The following DDC variants were observed in gnomAD, a reference collection of about 807,000 sequenced individuals.
DDC encodes the protein dopa decarboxylase.
In DDC, 43 loss-of-function variants were observed where a neutral mutation model predicts 60.0. The ratio of observed to expected loss-of-function variants is 0.72; its 90% CI spans 0.56 to 0.92. The LOEUF is 0.92. Among genes scored for constraint, DDC ranks in the 40% least tolerant of loss-of-function variants. The pLI, the probability that DDC is intolerant of heterozygous loss-of-function variation, is 0.00. For missense variants in DDC, 573 were observed against 620.2 expected, an observed-to-expected ratio of 0.92 and a Z score of 0.81; for synonymous variants, 232 against 234.6, an observed-to-expected ratio of 0.99 and a Z score of 0.10.
In DDC at chr7:50,503,984, G is replaced by T. The variant is rs1463493702; in HGVS notation, c.781+9C>A. 1.6e-5 allele frequency: 25 copies of T among 1,605,974 alleles called. No individual in the cohort carries two copies. The highest frequency in any genetic ancestry group is 1.9e-5 in the Non-Finnish European group (22 of 1,172,684). On this transcript the variant is annotated intron_variant, in intron 7 of 14. Transcript: ENST00000444124. Reference sequence around the variant, plus strand: ...ATTTTCCAAAAAGAAAATGGAATCGGATACTTACAGATAGGACCGACTTCT... The same window carrying T: ...ATTTTCCAAAAAGAAAATGGAATCGTATACTTACAGATAGGACCGACTTCT...
At position 50,467,323 on chromosome 7, in the gene DDC, G is replaced by A; in HGVS notation, c.1141-8C>T. On this transcript the variant is annotated splice_polypyrimidine_tract_variant and splice_region_variant and intron_variant, in intron 12 of 14. Transcript: ENST00000444124. ...ATGGGACAGCTGGACATGCTTCAAAGAGGAAAGGGAAAATCTGTTTTTCTC... is the reference window on the plus strand; with the variant it reads ...ATGGGACAGCTGGACATGCTTCAAAAAGGAAAGGGAAAATCTGTTTTTCTC... The A allele has an allele frequency of 6.2e-7, 1 of 1,612,052 alleles. No individual in the cohort carries two copies. Among genetic ancestry groups the A allele is most frequent in the Non-Finnish European group, 8.5e-7 (1 of 1,178,078 alleles).
chr7:50,543,586 T>C (rs2044703998), intron 2 of DDC: 1 of 439,226 alleles, frequency 2.3e-6, no homozygotes, highest in South Asian at 2.1e-5. Flanking sequence ...ACACGCTCTA[T>C]GTACCGAGTG....
chr7:50,465,427 G>A lies in DDC; in HGVS notation c.1242+1787C>T, dbSNP rs192532976. ...GCTCTGTCGCCCAGGCTGGAGCGCA[G>A]TAGCACAATCTCAGCTCACTGCAAC... On this transcript the variant is annotated intron_variant, in intron 13 of 14. Transcript: ENST00000444124. Among the ~76,000 whole-genome samples, 511 of 151,286 alleles carry A rather than the reference G, an allele frequency of 3.4e-3. 6 individuals are homozygous for A. Among genetic ancestry groups the A allele is most frequent in the African/African-American group, 0.012 (474 of 41,126 alleles).
chr7:50,472,092 T>A (rs2042545104), intron 11 of DDC, among the ~76,000 whole-genome samples: 1 of 152,202 alleles, frequency 6.6e-6, no homozygotes, highest in Non-Finnish European at 1.5e-5. Context: ...CTGAATTCGA[T>A]GCACTGTCCC....
chr7:50,543,408 G>A (rs1228070178), intron 2 of DDC: 7 of 236,184 alleles, frequency 3.0e-5, no homozygotes, highest in African/African-American at 1.1e-4. Flanking sequence ...GGCTGCCTTG[G>A]TGGGCAGCAC....
chr7:50,524,394 G>A lies in DDC; in HGVS notation c.714+3743C>T, dbSNP rs117613182. 1.3e-3 allele frequency among the ~76,000 whole-genome samples: 200 copies of A among 152,256 alleles called. 4 individuals are homozygous for A. The East Asian group carries it at 0.03, about 22-fold the overall frequency. ...TAATAATGGGGGAAATGAAGGTTGG[G>A]ATATAAGAAGGTATATGTTCTTCCT... On this transcript the variant is annotated intron_variant, in intron 6 of 14. Coordinates refer to ENST00000444124, the MANE Select transcript of DDC (RefSeq NM_001082971.2).
chr7:50,517,030 A>C (rs553919068), intron 6 of DDC, among the ~76,000 whole-genome samples: 1 of 152,130 alleles, frequency 6.6e-6, no homozygotes, highest in Non-Finnish European at 1.5e-5. Context: ...TTTTGACACT[A>C]TTACAGAAGA....
intron 9 of DDC, among the ~76,000 whole-genome samples, chr7:50,484,406 C>G (rs1233482358): frequency 6.6e-6 from 1 of 152,066 alleles, no homozygotes; most frequent in Admixed American, 6.6e-5. Context: ...CAATTGATGT[C>G]TGTTTTGTAG....
At chr7:50,487,618 G>A (rs940097368) in intron 9 of DDC, among the ~76,000 whole-genome samples, 4 of 151,974 alleles carry the variant, frequency 2.6e-5, no homozygotes, top group African/African-American at 7.2e-5. Context: ...GCTTAGGTGT[G>A]TTTATGTATA....
At chr7:50,477,926 G>A (rs1051531595) in intron 10 of DDC, among the ~76,000 whole-genome samples, 10 of 152,130 alleles carry the variant, frequency 6.6e-5, no homozygotes, top group Admixed American at 6.5e-5. Context: ...TCGACGCCAG[G>A]CGTGGTGGCT....
intron 9 of DDC, among the ~76,000 whole-genome samples, chr7:50,491,654 G>A (rs1171336999): frequency 4.6e-5 from 7 of 152,174 alleles, no homozygotes; most frequent in African/African-American, 1.7e-4. Context: ...GAAAGCTACA[G>A]ATAAAAGGTT....
At position 50,482,044 on chromosome 7, in the gene DDC, T is replaced by C. The variant is rs80061907; in HGVS notation, c.945-2181A>G. Among the ~76,000 whole-genome samples, 1,026 of 152,344 alleles carry C rather than the reference T, an allele frequency of 6.7e-3. 15 individuals are homozygous for C. The highest frequency in any genetic ancestry group is 0.024 in the African/African-American group (980 of 41,574). Reference sequence around the variant, plus strand: ...GTGGACATGGGACCATCCCTGTGCATACTCCTGGAGCCCCTAGTGGCAGCG... The same window carrying C: ...GTGGACATGGGACCATCCCTGTGCACACTCCTGGAGCCCCTAGTGGCAGCG... On this transcript the variant is annotated intron_variant, in intron 9 of 14. Coordinates refer to ENST00000444124, the MANE Select transcript of DDC (RefSeq NM_001082971.2).
rs140140754 is a variant in DDC at position 50,495,269 on chromosome 7, T to G, written c.944+81A>C. Reference sequence around the variant, plus strand: ...TGAGCTAAGTGACTATTGCACCCCTTTGGCTCTGGCATCTTCCCTGCCAGC... The same window carrying G: ...TGAGCTAAGTGACTATTGCACCCCTGTGGCTCTGGCATCTTCCCTGCCAGC... On this transcript the variant is annotated intron_variant, in intron 9 of 14. Transcript: ENST00000444124. 4.5e-4 allele frequency: 462 copies of G among 1,031,772 alleles called. 1 individual carries two copies. In the African/African-American group the frequency reaches 6.7e-3, roughly 15 times the overall value. 63.9% of individuals were successfully genotyped at this position (1,031,772 alleles called of 1,614,324 possible).
At chr7:50,498,736 G>A (rs1223405527) in intron 8 of DDC, among the ~76,000 whole-genome samples, 2 of 152,192 alleles carry the variant, frequency 1.3e-5, no homozygotes, top group African/African-American at 4.8e-5. Context: ...TTCAATATTG[G>A]TTAAAGTGAA....
chr7:50,473,482 C>A (rs2042577274), intron 11 of DDC, among the ~76,000 whole-genome samples: 1 of 152,234 alleles, frequency 6.6e-6, no homozygotes, highest in African/African-American at 2.4e-5. Context: ...TCATAAGGTT[C>A]ATGCGTTTGT....
At chr7:50,564,858 T>C (rs1185642695) in intron 1 of DDC, among the ~76,000 whole-genome samples, 1 of 152,168 alleles carries the variant, frequency 6.6e-6, no homozygotes, top group Non-Finnish European at 1.5e-5. Context: ...AGAGTTCACA[T>C]TTACTAATCA....
intron 6 of DDC, among the ~76,000 whole-genome samples, chr7:50,525,183 G>A (rs1419094289): frequency 6.6e-6 from 1 of 152,208 alleles, no homozygotes; most frequent in South Asian, 2.1e-4. Flanking sequence ...GTTGATGATG[G>A]TAGGAGATCA....
chr7:50,483,999 A>G (rs1302774498), intron 9 of DDC, among the ~76,000 whole-genome samples: 1 of 151,644 alleles, frequency 6.6e-6, no homozygotes, highest in African/African-American at 2.4e-5. Context: ...CAGGTTTTCT[A>G]TTTACTCTTG....
chr7:50,486,820 G>T (rs1025402941), intron 9 of DDC, among the ~76,000 whole-genome samples: 2 of 152,148 alleles, frequency 1.3e-5, no homozygotes, highest in African/African-American at 2.4e-5. Flanking sequence ...CTTTCCTTTT[G>T]TTCCTAAGTA....
Sources: gnomAD v4.1 joint callset for allele counts (sites outside exome capture counted in the v4.1 genomes callset) on GRCh38, gnomAD v4.1.1 for gene constraint, MANE v1.5 for transcripts, NCBI Gene and HGNC (gene_info 2026-07-23, HGNC 2026-07-21) for gene names.